The following SIRPA variants were observed in gnomAD, a reference collection of about 807,000 sequenced individuals.
SIRPA encodes signal regulatory protein alpha.
SIRPA carries 9 observed loss-of-function variants against 50.3 expected under a neutral mutation model. The ratio of observed to expected loss-of-function variants is 0.18; its 90% CI spans 0.11 to 0.31. The LOEUF (loss-of-function observed/expected upper bound fraction) is 0.31. Among genes scored for constraint, SIRPA ranks in the 10% least tolerant of loss-of-function variants. The probability of loss-of-function intolerance (pLI) is 1.00; values close to 1 mark genes in which losing one functional copy is unlikely to be tolerated. For missense variants in SIRPA, 474 were observed against 661.6 expected (o/e 0.72, Z 3.11); for synonymous variants, 265 against 284.1 (o/e 0.93, Z 0.68).
In SIRPA at chr20:1,924,752, T is replaced by C. The variant is rs1985880954; in HGVS notation, c.1088-12T>C. 1 of 1,608,560 alleles carries C rather than the reference T, an allele frequency of 6.2e-7. No homozygotes were observed. Among genetic ancestry groups the C allele is most frequent in the African/African-American group, 1.3e-5 (1 of 74,816 alleles). On this transcript the variant is annotated splice_polypyrimidine_tract_variant and intron_variant, in intron 4 of 7. Coordinates refer to ENST00000358771, the MANE Select transcript of SIRPA (RefSeq NM_001040023.2). The surrounding 1 kb of genome is among the most constrained non-coding windows in gnomAD (Gnocchi z 4.5). ...CTGCATACGTGAAGCCTCTATTCCATGTGGTCCCTAGAGAACACTGGATCT... is the reference window on the plus strand; with the variant it reads ...CTGCATACGTGAAGCCTCTATTCCACGTGGTCCCTAGAGAACACTGGATCT...
chr20:1,902,091 A>G (rs1348051922), intron 1 of SIRPA, among the ~76,000 whole-genome samples: 2 of 152,234 alleles, frequency 1.3e-5, no homozygotes, highest in Admixed American at 6.5e-5. Flanking sequence ...AACATATGCA[A>G]AATGAGAAGG....
intron 2 of SIRPA, among the ~76,000 whole-genome samples, chr20:1,918,559 C>G (rs1198392268): frequency 2.0e-5 from 3 of 151,828 alleles, no homozygotes; most frequent in African/African-American, 7.3e-5. Flanking sequence ...CCCAGTTCCC[C>G]TTGCTGAGCC....
At chr20:1,904,456 C>T (rs1271837982) in intron 1 of SIRPA, among the ~76,000 whole-genome samples, 43 of 152,096 alleles carry the variant, frequency 2.8e-4, no homozygotes, top group Admixed American at 2.8e-3. Context: ...GGGGTTACAA[C>T]AGAGGGAGGT....
intron 1 of SIRPA, among the ~76,000 whole-genome samples, chr20:1,912,110 C>T (rs976287275): frequency 6.6e-6 from 1 of 152,050 alleles, no homozygotes; most frequent in Non-Finnish European, 1.5e-5. Context: ...GGAGAGAGCT[C>T]GAGAGGAGCT....
chr20:1,903,474 T>C (rs6075315), intron 1 of SIRPA, among the ~76,000 whole-genome samples: 102,382 of 151,418 alleles, frequency 0.68, 35,388 homozygotes, highest in African/African-American at 0.83. Context: ...TCCGCAGCCG[T>C]CCTTGCCCCC....
chr20:1,923,250 C>G (rs1433756504), intron 4 of SIRPA, among the ~76,000 whole-genome samples: 3 of 152,226 alleles, frequency 2.0e-5, no homozygotes, highest in Admixed American at 2.0e-4. Flanking sequence ...GTCAAGGTAT[C>G]ATTTTCTCAG....
intron 6 of SIRPA, among the ~76,000 whole-genome samples, chr20:1,930,684 A>G (rs181601008): frequency 6.2e-4 from 95 of 152,114 alleles, no homozygotes; most frequent in African/African-American, 2.2e-3. Flanking sequence ...TCCGCTTCCT[A>G]GGTTCAGATG....
chr20:1,920,014 G>A (rs991861930), intron 2 of SIRPA, among the ~76,000 whole-genome samples: 5 of 152,192 alleles, frequency 3.3e-5, no homozygotes, highest in African/African-American at 1.2e-4. Flanking sequence ...AGCACCTGCT[G>A]CATACCAGGC....
chr20:1,935,938 C>A (rs895516318), intron 7 of SIRPA, among the ~76,000 whole-genome samples: 1 of 152,148 alleles, frequency 6.6e-6, no homozygotes, highest in African/African-American at 2.4e-5. Context: ...AGAGCACAGT[C>A]GTAGAGTCCA....
At chr20:1,903,088 A>G (rs1310549708) in intron 1 of SIRPA, among the ~76,000 whole-genome samples, 1 of 151,808 alleles carries the variant, frequency 6.6e-6, no homozygotes, top group Non-Finnish European at 1.5e-5. Flanking sequence ...AGAGCCCTCC[A>G]TGTGGGAGGA....
At position 1,933,407 on chromosome 20, in the gene SIRPA, C is replaced by CCCG. The variant is rs1568514491; in HGVS notation, c.1227-1306_1227-1305insGCC. 6.6e-6 allele frequency among the ~76,000 whole-genome samples: 1 copy of CCCG among 151,622 alleles called. No homozygotes were observed. Among genetic ancestry groups the CCCG allele is most frequent in the African/African-American group, 2.4e-5 (1 of 41,222 alleles). Reference sequence around the variant, plus strand: ...GTACATAACATCAAATGCCACCCCCCCCCCGAAATATCTGGTGGGCAGATG... The same window carrying CCCG: ...GTACATAACATCAAATGCCACCCCCCCCGCCCCGAAATATCTGGTGGGCAGATG... On this transcript the variant is annotated intron_variant, in intron 6 of 7. Transcript: ENST00000358771. This position sits in a 1 kb window ranked among gnomAD's most constrained non-coding sequence, Gnocchi z 4.4.
chr20:1,895,544 CCCCACCGCTG>C lies in SIRPA; in HGVS notation c.79+20_79+29del, dbSNP rs1408961614. 62 of 1,431,794 alleles carry C rather than the reference CCCCACCGCTG, an allele frequency of 4.3e-5. No individual in the cohort carries two copies. The highest frequency in any genetic ancestry group is 5.4e-5 in the Non-Finnish European group (59 of 1,093,622). 88.7% of individuals were successfully genotyped at this position (1,431,794 alleles called of 1,614,324 possible). A position where few individuals can be genotyped will look rare whatever the true frequency, so the allele number is the denominator to read the frequency against. On this transcript the variant is annotated intron_variant, in intron 1 of 7. Transcript: ENST00000358771. ...CTGGTCAGGTAAGCACCCCCCCGCT[CCCCACCGCTG>C]CACTCCCCAAACTGCGGGCTCAGGC...
Position 1,933,369 on chromosome 20 carries a change from A to G in SIRPA, c.1227-1346A>G, listed in dbSNP as rs937827344. Among the ~76,000 whole-genome samples the G allele has an allele frequency of 6.6e-6, 1 of 151,210 alleles. No homozygotes were observed. The highest frequency in any genetic ancestry group is 1.5e-5 in the Non-Finnish European group (1 of 67,904). On this transcript the variant is annotated intron_variant, in intron 6 of 7. Coordinates refer to ENST00000358771, the MANE Select transcript of SIRPA (RefSeq NM_001040023.2). The surrounding 1 kb of genome is among the most constrained non-coding windows in gnomAD (Gnocchi z 4.4). ...ATCAAAGGGGTCCTTCGAGGCTGCTATTGAAGCATGAAGTACATAACATCA... is the reference window on the plus strand; with the variant it reads ...ATCAAAGGGGTCCTTCGAGGCTGCTGTTGAAGCATGAAGTACATAACATCA...
rs1334756130 is a variant in SIRPA at position 1,939,296 on chromosome 20, A to C, written c.*1728A>C. On this transcript the variant is annotated 3_prime_UTR_variant, in exon 8 of 8. Transcript: ENST00000358771. The surrounding 1 kb of genome is among the most constrained non-coding windows in gnomAD (Gnocchi z 4.7). ...GCTGAGCCATCCTGCCCATTCCTGG[A>C]GGTCCTACAGGTGAAACTGCAGGAG... The C allele has an allele frequency of 6.6e-6, 1 of 152,206 alleles. No homozygotes were observed. Among genetic ancestry groups the C allele is most frequent in the Admixed American group, 6.5e-5 (1 of 15,278 alleles). The allele number at this position is 152,206 out of a possible 1,614,324, so 9.4% of individuals were successfully genotyped here. A position where few individuals can be genotyped will look rare whatever the true frequency, so the allele number is the denominator to read the frequency against.
chr20:1,912,392 A>T (rs2123068744), intron 1 of SIRPA, among the ~76,000 whole-genome samples: 1 of 152,330 alleles, frequency 6.6e-6, no homozygotes, highest in South Asian at 2.1e-4. Flanking sequence ...TGCCAGTATC[A>T]ACTCCACCTA....
chr20:1,935,221 T>C (rs550947265), intron 7 of SIRPA, among the ~76,000 whole-genome samples: 2 of 152,212 alleles, frequency 1.3e-5, no homozygotes, highest in Non-Finnish European at 2.9e-5. Flanking sequence ...CCCATGTCAT[T>C]AATTACCTCA....
At chr20:1,921,752 C>G in intron 3 of SIRPA, 40 bp downstream of exon 3, 1 of 1,613,464 alleles carries the variant, frequency 6.2e-7, no homozygotes. Flanking sequence ...CACCTGACCG[C>G]CAAGCCCACC....
chr20:1,937,371 C>A lies in SIRPA; in HGVS notation c.1318C>A (p.Pro440Thr), dbSNP rs1377814553. 13 of 1,614,070 alleles carry A rather than the reference C, an allele frequency of 8.1e-6. No homozygotes were observed. The Middle Eastern group carries it at 8.2e-4, about 102-fold the overall frequency. Residue 440 changes from proline (P) to threonine (T), a missense_variant, in exon 8 of 8, where the codon CCT (proline) becomes ACT (threonine). Pro to Thr is a conservative substitution (Grantham distance 38). Around this residue, in one of 4 missense-constraint regions of SIRPA, gnomAD observed 180 missense variants for 206.7 expected, o/e 0.87. Transcript: ENST00000358771. The surrounding 1 kb of genome is among the most constrained non-coding windows in gnomAD (Gnocchi z 8.3). ...ADLNLPKGKK[P>T]APQAAEPNNH... is the part of the protein sequence containing the mutation. ...CCTGAACCTGCCCAAGGGGAAGAAG[C>A]CTGCTCCCCAGGCTGCGGAGCCCAA...
Position 1,928,817 on chromosome 20 carries a change from G to A in SIRPA, c.1226+918G>A, listed in dbSNP as rs754036162. Reference sequence around the variant, plus strand: ...GGAAGACCCAGGTCCTCGGCATCCCGGTGTCCTTTGCAGATGCCCCTGCAG... The same window carrying A: ...GGAAGACCCAGGTCCTCGGCATCCCAGTGTCCTTTGCAGATGCCCCTGCAG... On this transcript the variant is annotated intron_variant, in intron 6 of 7. Transcript: ENST00000358771. The surrounding 1 kb of genome is among the most constrained non-coding windows in gnomAD (Gnocchi z 4.9). 6.6e-5 allele frequency among the ~76,000 whole-genome samples: 10 copies of A among 152,144 alleles called. No homozygotes were observed. The highest frequency in any genetic ancestry group is 6.2e-4 in the South Asian group (3 of 4,824).
Sources: gnomAD v4.1 joint callset for allele counts (sites outside exome capture counted in the v4.1 genomes callset) on GRCh38, gnomAD v4.1.1 for gene constraint, gnomAD v4.1.1 regional missense constraint, Gnocchi (gnomAD v3.1) non-coding constraint, MANE v1.5 for transcripts, NCBI Gene and HGNC (gene_info 2026-07-23, HGNC 2026-07-21) for gene names.